The following ZMAT4 variants were observed in gnomAD, a reference collection of about 807,000 sequenced individuals.
ZMAT4 encodes zinc finger matrin-type protein 4.
Under a neutral mutation model 28.7 loss-of-function variants are expected in ZMAT4, and 17 were observed. That is an observed-to-expected ratio of 0.59 (90% confidence interval 0.41 to 0.89). The LOEUF is 0.89. Among genes scored for constraint, ZMAT4 ranks in the 40% least tolerant of loss-of-function variants. The probability of loss-of-function intolerance (pLI) is 0.00; values close to 1 mark genes in which losing one functional copy is unlikely to be tolerated. For synonymous variants in ZMAT4, 117 were observed against 109.2 expected (o/e 1.07, Z -0.44); for missense variants, 240 against 283.8 (o/e 0.85, Z 1.11).
At chr8:40,550,452 C>T (rs899614583) in intron 6 of ZMAT4, among the ~76,000 whole-genome samples, 2 of 152,182 alleles carry the variant, frequency 1.3e-5, no homozygotes, top group Non-Finnish European at 2.9e-5. Flanking sequence ...ACAGGTCACA[C>T]ACTAACACAA....
chr8:40,830,675 A>G (rs1816248235), intron 1 of ZMAT4, among the ~76,000 whole-genome samples: 1 of 152,198 alleles, frequency 6.6e-6, no homozygotes, highest in Non-Finnish European at 1.5e-5. Context: ...ATCTGTGTGG[A>G]GGAAACAAAA....
At chr8:40,789,906 T>C (rs1814250857) in intron 2 of ZMAT4, among the ~76,000 whole-genome samples, 2 of 152,156 alleles carry the variant, frequency 1.3e-5, no homozygotes, top group South Asian at 2.1e-4. Flanking sequence ...GCTTTTCTCA[T>C]ATTGCTCCCA....
At chr8:40,884,402 T>A (rs1818384665) in intron 1 of ZMAT4, 1 of 151,148 alleles carries the variant, frequency 6.6e-6, no homozygotes, top group Non-Finnish European at 1.5e-5. Context: ...TTTCACCCCA[T>A]GTATCCCTAG....
chr8:40,881,503 A>AAAGAAAGAAAG (rs1563263617), intron 1 of ZMAT4, among the ~76,000 whole-genome samples: 2 of 118,226 alleles, frequency 1.7e-5, no homozygotes, highest in South Asian at 6.3e-4. Flanking sequence ...AAGAAAGAGG[A>AAAGAAAGAAAG]AGGAAGGAAG....
intron 5 of ZMAT4, among the ~76,000 whole-genome samples, chr8:40,663,938 A>T (rs1399259593): frequency 6.6e-6 from 1 of 152,186 alleles, no homozygotes; most frequent in East Asian, 1.9e-4. Flanking sequence ...CAAAGTACAT[A>T]TTATTTGACA....
intron 3 of ZMAT4, among the ~76,000 whole-genome samples, chr8:40,721,431 A>G (rs1471130344): frequency 2.1e-5 from 3 of 145,550 alleles, no homozygotes; most frequent in African/African-American, 7.7e-5. Context: ...TAATGCCTCA[A>G]TAAACATACG....
At chr8:40,650,112 C>A in intron 5 of ZMAT4, among the ~76,000 whole-genome samples, 1 of 152,032 alleles carries the variant, frequency 6.6e-6, no homozygotes, top group Non-Finnish European at 1.5e-5. Context: ...ACAAAAAACC[C>A]TTCAAAAAGT....
intron 1 of ZMAT4, among the ~76,000 whole-genome samples, chr8:40,865,100 C>A (rs923534880): frequency 3.9e-5 from 6 of 152,138 alleles, no homozygotes; most frequent in South Asian, 4.1e-4. Flanking sequence ...TCCCTTTAAA[C>A]GTACGCTTTT....
chr8:40,767,502 C>A, intron 3 of ZMAT4, 139 bp downstream of exon 3: 2 of 670,038 alleles, frequency 3.0e-6, no homozygotes, highest in South Asian at 2.4e-5. Context: ...TATCATAGTA[C>A]CTGTAATATT....
At chr8:40,854,469 T>C (rs1817224872) in intron 1 of ZMAT4, among the ~76,000 whole-genome samples, 2 of 152,112 alleles carry the variant, frequency 1.3e-5, no homozygotes, top group African/African-American at 2.4e-5. Flanking sequence ...AGAACCTCAG[T>C]GATGACAAAA....
intron 6 of ZMAT4, among the ~76,000 whole-genome samples, chr8:40,544,794 C>G (rs745962163): frequency 1.3e-5 from 2 of 152,096 alleles, no homozygotes; most frequent in African/African-American, 2.4e-5. Context: ...CAAACAAGCT[C>G]TAGTTTTCAT....
At chr8:40,599,682 G>A (rs369308314) in intron 5 of ZMAT4, among the ~76,000 whole-genome samples, 2 of 152,232 alleles carry the variant, frequency 1.3e-5, no homozygotes, top group Admixed American at 6.5e-5. Flanking sequence ...GCTGTCCTAC[G>A]TGTGGCTTTC....
chr8:40,641,770 A>G (rs1226911578), intron 5 of ZMAT4, among the ~76,000 whole-genome samples: 2 of 152,190 alleles, frequency 1.3e-5, no homozygotes, highest in African/African-American at 4.8e-5. Context: ...TTTTAAGTAT[A>G]CAATACAGTA....
At chr8:40,687,947 G>A (rs563713521) in intron 4 of ZMAT4, among the ~76,000 whole-genome samples, 1 of 152,158 alleles carries the variant, frequency 6.6e-6, no homozygotes, top group African/African-American at 2.4e-5. Flanking sequence ...AGTGGCAAGA[G>A]AGCAGCAATC....
At position 40,784,766 on chromosome 8, in the gene ZMAT4, C is replaced by T. The variant is rs190666223; in HGVS notation, c.103-17036G>A. On this transcript the variant is annotated intron_variant, in intron 2 of 6. Transcript: ENST00000297737. Reference sequence around the variant, plus strand: ...GCTCCCGGGGTTTGACAAACCCCAGCCTTTTCAGGGATCCCCTGAGCTGCA... The same window carrying T: ...GCTCCCGGGGTTTGACAAACCCCAGTCTTTTCAGGGATCCCCTGAGCTGCA... 5.9e-5 allele frequency among the ~76,000 whole-genome samples: 9 copies of T among 152,258 alleles called. No individual in the cohort carries two copies. The East Asian group carries it at 1.7e-3, about 29-fold the overall frequency.
chr8:40,672,153 G>A (rs553680978), intron 5 of ZMAT4, among the ~76,000 whole-genome samples: 1 of 152,294 alleles, frequency 6.6e-6, no homozygotes, highest in Non-Finnish European at 1.5e-5. Flanking sequence ...TGCTATGAGA[G>A]AAAGAGAAAA....
chr8:40,754,950 G>A (rs1001331537), intron 3 of ZMAT4, among the ~76,000 whole-genome samples: 3 of 152,256 alleles, frequency 2.0e-5, no homozygotes, highest in African/African-American at 7.2e-5. Flanking sequence ...TTGAGATCAT[G>A]AGCTATGATT....
At chr8:40,897,085 C>G (rs968076342) in intron 1 of ZMAT4, among the ~76,000 whole-genome samples, 2 of 151,672 alleles carry the variant, frequency 1.3e-5, no homozygotes, top group Admixed American at 6.6e-5. Flanking sequence ...TGGCGTGTCA[C>G]CAAGTTGTCA....
chr8:40,847,609 C>T (rs546300645), intron 1 of ZMAT4, among the ~76,000 whole-genome samples: 38 of 152,308 alleles, frequency 2.5e-4, no homozygotes, highest in African/African-American at 8.9e-4. Flanking sequence ...TGCTCTGAGA[C>T]CTCATTATCA....
Sources: gnomAD v4.1 joint callset for allele counts (sites outside exome capture counted in the v4.1 genomes callset) on GRCh38, gnomAD v4.1.1 for gene constraint, MANE v1.5 for transcripts, NCBI Gene and HGNC (gene_info 2026-07-23, HGNC 2026-07-21) for gene names.